The following ARHGEF9 variants were observed in gnomAD, a reference collection of about 807,000 sequenced individuals.
ARHGEF9 encodes Cdc42 guanine nucleotide exchange factor 9, also known as rho guanine nucleotide exchange factor 9.
ARHGEF9 carries 2 observed loss-of-function variants against 41.3 expected under a neutral mutation model. The observed-to-expected ratio is 0.05, with a 90% confidence interval of 0.02 to 0.15. The LOEUF (loss-of-function observed/expected upper bound fraction) is 0.15. ARHGEF9 is among the 10% of genes least tolerant of loss of function. ARHGEF9 has a pLI of 1.00. For missense variants in ARHGEF9, 225 were observed against 424.7 expected (o/e 0.53, Z 4.13); for synonymous variants, 160 against 154.4 (o/e 1.04, Z -0.27).
intron 1 of ARHGEF9, among the ~76,000 whole-genome samples, chrX:63,783,834 A>C (rs1425415664): frequency 9.0e-6 from 1 of 111,613 alleles, no homozygotes; most frequent in Non-Finnish European, 1.9e-5. Context: ...TTCTGGTTCT[A>C]CAAACATTTG....
chrX:63,715,798 CATT>C (rs1479006547), intron 2 of ARHGEF9, among the ~76,000 whole-genome samples: 4 of 112,054 alleles, frequency 3.6e-5, no homozygotes, highest in Non-Finnish European at 5.6e-5. Flanking sequence ...TTGTACAAAA[CATT>C]ATACCATCTA....
chrX:63,735,287 T>A (rs782098223), intron 1 of ARHGEF9, among the ~76,000 whole-genome samples: 40 of 111,435 alleles, frequency 3.6e-4, no homozygotes, highest in African/African-American at 1.3e-3. Context: ...TAACTTTTCC[T>A]GGACTACGAC....
intron 8 of ARHGEF9, among the ~76,000 whole-genome samples, chrX:63,648,283 G>C (rs142624648): frequency 2.0e-4 from 22 of 111,455 alleles, no homozygotes; most frequent in African/African-American, 6.8e-4. Flanking sequence ...AGAAGAGAGT[G>C]GGGGTCAATA....
intron 7 of ARHGEF9, chrX:63,656,787 G>A (rs1302820735): frequency 8.9e-6 from 1 of 111,925 alleles, no homozygotes; most frequent in Admixed American, 9.5e-5. Context: ...GGGCAAGAGA[G>A]GAAGGGGAAG....
intron 8 of ARHGEF9, 124 bp downstream of exon 8, chrX:63,655,370 A>G (rs1329870613): frequency 2.9e-6 from 3 of 1,041,683 alleles, no homozygotes; most frequent in Non-Finnish European, 1.3e-6. Context: ...ATAAGGAACC[A>G]CCAAAGTAGC....
intron 8 of ARHGEF9, among the ~76,000 whole-genome samples, chrX:63,646,009 T>C (rs1402790801): frequency 8.9e-6 from 1 of 112,273 alleles, no homozygotes; most frequent in African/African-American, 3.2e-5. Context: ...ATGTGTCTTT[T>C]GGCTGCATAA....
chrX:63,729,551 T>G (rs186761590), intron 1 of ARHGEF9, among the ~76,000 whole-genome samples: 2 of 111,664 alleles, frequency 1.8e-5, no homozygotes, highest in African/African-American at 3.3e-5. Flanking sequence ...TAGCAGAGAT[T>G]ATATTCTCTA....
At chrX:63,700,495 T>C (rs2052079505) in intron 3 of ARHGEF9, among the ~76,000 whole-genome samples, 1 of 111,761 alleles carries the variant, frequency 8.9e-6, no homozygotes, top group Non-Finnish European at 1.9e-5. Flanking sequence ...GAGTTGGCAG[T>C]GAAATGTGAT....
intron 1 of ARHGEF9, among the ~76,000 whole-genome samples, chrX:63,735,228 G>A (rs1363373470): frequency 8.9e-6 from 1 of 111,831 alleles, no homozygotes; most frequent in African/African-American, 3.3e-5. Context: ...CTGCATCTGG[G>A]TTCCTGAATT....
chrX:63,675,126 G>C (rs1371908657), intron 5 of ARHGEF9, among the ~76,000 whole-genome samples: 1 of 111,513 alleles, frequency 9.0e-6, no homozygotes, highest in Non-Finnish European at 1.9e-5. Context: ...GGGTGCTCAT[G>C]TTTCTGATGA....
At chrX:63,724,404 A>T (rs1556415643) in intron 2 of ARHGEF9, 128 bp downstream of exon 2, 7 of 782,496 alleles carry the variant, frequency 8.9e-6, no homozygotes, top group Middle Eastern at 4.3e-4. Flanking sequence ...AGACAATTTT[A>T]AAAAAAGGAA....
chrX:63,775,386 T>C (rs1237887604), intron 1 of ARHGEF9, among the ~76,000 whole-genome samples: 9 of 112,526 alleles, frequency 8.0e-5, no homozygotes, highest in Non-Finnish European at 1.1e-4. Flanking sequence ...TGTATGTTCG[T>C]CACAGCACTA....
At chrX:63,778,447 C>T (rs2056329342) in intron 1 of ARHGEF9, among the ~76,000 whole-genome samples, 1 of 112,306 alleles carries the variant, frequency 8.9e-6, no homozygotes, top group African/African-American at 3.2e-5. Context: ...GCCCTGAAGA[C>T]ATTTTCCTCA....
intron 2 of ARHGEF9, among the ~76,000 whole-genome samples, chrX:63,711,631 TTACACTA>T (rs1356022984): frequency 8.9e-6 from 1 of 112,036 alleles, no homozygotes; most frequent in African/African-American, 3.2e-5. Context: ...GGCTCCTACT[TTACACTA>T]TACACAAAAA....
intron 7 of ARHGEF9, among the ~76,000 whole-genome samples, chrX:63,663,227 AG>A (rs782188706): frequency 1.8e-5 from 2 of 111,817 alleles, no homozygotes; most frequent in East Asian, 5.6e-4. Context: ...TGCCTCAAAC[AG>A]GGGGTTGTCA....
chrX:63,644,577 G>A (rs2047869697), intron 8 of ARHGEF9, among the ~76,000 whole-genome samples: 1 of 109,774 alleles, frequency 9.1e-6, no homozygotes, highest in Admixed American at 9.8e-5. Flanking sequence ...GTCCCAGGCA[G>A]GATGAGCATA....
chrX:63,754,257 T>C, intron 1 of ARHGEF9: 1 of 1,180,992 alleles, frequency 8.5e-7, no homozygotes, highest in Middle Eastern at 2.3e-4. Context: ...GCGCAGGCAT[T>C]CTTAAAAGAC....
At chrX:63,693,061 G>C in intron 4 of ARHGEF9, among the ~76,000 whole-genome samples, 1 of 111,495 alleles carries the variant, frequency 9.0e-6, no homozygotes, top group Non-Finnish European at 1.9e-5. Flanking sequence ...AGTTAGGAAG[G>C]TTGTGGGGAG....
intron 1 of ARHGEF9, among the ~76,000 whole-genome samples, chrX:63,778,465 G>A (rs782351984): frequency 3.6e-5 from 4 of 112,103 alleles, no homozygotes; most frequent in Non-Finnish European, 7.5e-5. Flanking sequence ...TCATTGTCTT[G>A]GCAATTAACA....
Sources: allele counts gnomAD v4.1 joint callset (sites outside exome capture counted in the v4.1 genomes callset), GRCh38; gene constraint gnomAD v4.1.1; transcripts MANE v1.5; gene names NCBI Gene and HGNC (gene_info 2026-07-23, HGNC 2026-07-21).